TANC1: variants seen among roughly 807,000 people sequenced by gnomAD.
TANC1 encodes tetratricopeptide repeat, ankyrin repeat and coiled-coil containing 1.
In TANC1, 77 loss-of-function variants were observed where a neutral mutation model predicts 149.7. The ratio of observed to expected loss-of-function variants is 0.51; its 90% CI spans 0.43 to 0.62. The LOEUF (loss-of-function observed/expected upper bound fraction) is 0.62, where lower values mean the gene tolerates loss of function less well. TANC1 is among the 20% of genes least tolerant of loss of function. The pLI is 0.00. For missense variants in TANC1, 1,985 were observed against 2,321.8 expected (o/e 0.85, Z 2.98); for synonymous variants, 854 against 925.0 (o/e 0.92, Z 1.39).
chr2:159,185,707 G>A (rs776339545), intron 14 of TANC1, 84 bp from the exon 15 acceptor site: 17 of 866,558 alleles, frequency 2.0e-5, no homozygotes, highest in Non-Finnish European at 3.2e-5. Flanking sequence ...CAGTGACTAA[G>A]GCAATGGGTG....
At chr2:159,043,416 T>C (rs1000813859) in intron 2 of TANC1, among the ~76,000 whole-genome samples, 15 of 152,116 alleles carry the variant, frequency 9.9e-5, no homozygotes, top group African/African-American at 3.4e-4. Flanking sequence ...TCATAGGGAA[T>C]CCATGCTTTG....
chr2:159,118,970 T>C (rs1439643126), intron 4 of TANC1, among the ~76,000 whole-genome samples: 1 of 152,230 alleles, frequency 6.6e-6, no homozygotes, highest in Non-Finnish European at 1.5e-5. Flanking sequence ...GTAAAAAATC[T>C]CTGTAGTTAC....
chr2:159,189,309 C>G (rs892649396), intron 16 of TANC1, among the ~76,000 whole-genome samples: 4 of 152,196 alleles, frequency 2.6e-5, no homozygotes, highest in African/African-American at 9.7e-5. Flanking sequence ...GGTGACTTAC[C>G]TCTGCCCTCA....
chr2:159,115,171 G>GGTGTGTGT (rs68140748), intron 4 of TANC1, among the ~76,000 whole-genome samples: 2 of 149,602 alleles, frequency 1.3e-5, no homozygotes, highest in Admixed American at 6.6e-5. Context: ...AGCTGGTAAG[G>GGTGTGTGT]GTGTGTGTGT....
chr2:159,129,516 C>G (rs951504666), intron 4 of TANC1, among the ~76,000 whole-genome samples: 1 of 151,952 alleles, frequency 6.6e-6, no homozygotes, highest in East Asian at 1.9e-4. Flanking sequence ...CAGACTGACA[C>G]AGGCCCTGCT....
intron 2 of TANC1, among the ~76,000 whole-genome samples, chr2:159,047,006 T>G (rs913285895): frequency 6.6e-6 from 1 of 152,168 alleles, no homozygotes; most frequent in Non-Finnish European, 1.5e-5. Context: ...GGTGGTTTTC[T>G]TTTAGTCTGC....
intron 2 of TANC1, among the ~76,000 whole-genome samples, chr2:159,052,318 A>G (rs1372704531): frequency 1.3e-5 from 2 of 152,204 alleles, no homozygotes; most frequent in Admixed American, 1.3e-4. Flanking sequence ...GGTGATGGAC[A>G]TTCTTGATAA....
chr2:159,151,933 G>C (rs186203024), intron 7 of TANC1, among the ~76,000 whole-genome samples: 1 of 152,272 alleles, frequency 6.6e-6, no homozygotes, highest in East Asian at 1.9e-4. Flanking sequence ...ACCACTATCT[G>C]ATTTTAGAAC....
rs763359172 is a variant in TANC1, at chr2:159,230,621, G to A, written c.5195G>A (p.Arg1732Lys). 6.2e-7 allele frequency: 1 copy of A among 1,614,196 alleles called. No individual in the cohort carries two copies. The highest frequency in any genetic ancestry group is 8.5e-7 in the Non-Finnish European group (1 of 1,180,038). The change falls in exon 27 of 27, where the codon AGG (arginine) becomes AAG (lysine). Residue 1732 changes from arginine to lysine, a missense_variant. Around this residue, in one of 3 missense-constraint regions of TANC1, gnomAD observed 920 missense variants for 994.7 expected, o/e 0.92. Coordinates refer to ENST00000263635, the MANE Select transcript of TANC1 (RefSeq NM_033394.3). This position sits in a 1 kb window ranked among gnomAD's most constrained non-coding sequence, Gnocchi z 4.4. ...ATGGGCATCATGGATAAGACTGCGA[G>A]GTTCCAACAGCAGAGCAATCCTCCA... ...PFMGIMDKTA[R>K]FQQQSNPPSR... is the part of the protein sequence containing the mutation.
At chr2:159,052,011 G>GC (rs2041512534) in intron 2 of TANC1, among the ~76,000 whole-genome samples, 1 of 152,112 alleles carries the variant, frequency 6.6e-6, no homozygotes, top group Non-Finnish European at 1.5e-5. Flanking sequence ...GCATACAGCT[G>GC]GGGAATGGCC....
At chr2:159,171,120 G>T (rs544056280) in intron 10 of TANC1, among the ~76,000 whole-genome samples, 1 of 152,336 alleles carries the variant, frequency 6.6e-6, no homozygotes, top group South Asian at 2.1e-4. Context: ...AGAGCAAGGG[G>T]TTGGGCTCCT....
At chr2:159,189,226 C>A (rs933413747) in intron 16 of TANC1, among the ~76,000 whole-genome samples, 3 of 152,228 alleles carry the variant, frequency 2.0e-5, no homozygotes, top group Admixed American at 6.5e-5. Flanking sequence ...GCTGTAGGCA[C>A]CTGGGAAGTT....
chr2:159,016,788 A>G (rs1352828462), intron 2 of TANC1, among the ~76,000 whole-genome samples: 1 of 151,854 alleles, frequency 6.6e-6, no homozygotes, highest in Non-Finnish European at 1.5e-5. Context: ...GTTAGCCAGG[A>G]TGGTCTCGAT....
At chr2:159,007,925 C>G (rs2037380360) in intron 2 of TANC1, among the ~76,000 whole-genome samples, 1 of 152,170 alleles carries the variant, frequency 6.6e-6, no homozygotes, top group African/African-American at 2.4e-5. Context: ...GGCGCTCACC[C>G]TTATTGTGGA....
At chr2:159,151,888 G>C (rs973590638) in intron 7 of TANC1, among the ~76,000 whole-genome samples, 1 of 152,068 alleles carries the variant, frequency 6.6e-6, no homozygotes, top group Non-Finnish European at 1.5e-5. Flanking sequence ...ACCATTTGAC[G>C]GTTTTTAGTA....
chr2:159,014,992 T>C (rs1021463681), intron 2 of TANC1, among the ~76,000 whole-genome samples: 2 of 152,182 alleles, frequency 1.3e-5, no homozygotes, highest in Admixed American at 1.3e-4. Context: ...GATCTACAAT[T>C]CTGGGGTCTG....
chr2:159,221,598 G>C (rs571540695), intron 22 of TANC1, among the ~76,000 whole-genome samples: 35 of 152,022 alleles, frequency 2.3e-4, no homozygotes, highest in Admixed American at 6.6e-5. Flanking sequence ...CTGTCTTTCC[G>C]TGCCTGGCTT....
intron 19 of TANC1, among the ~76,000 whole-genome samples, chr2:159,213,100 A>G (rs1027964308): frequency 6.6e-6 from 1 of 152,108 alleles, no homozygotes; most frequent in Non-Finnish European, 1.5e-5. Context: ...AGAAAGGAAG[A>G]CACCCATGAA....
At chr2:158,969,715 A>T (rs1030437582) in intron 1 of TANC1, among the ~76,000 whole-genome samples, 3 of 152,212 alleles carry the variant, frequency 2.0e-5, no homozygotes, top group Non-Finnish European at 4.4e-5. Context: ...TGTTCTCAAA[A>T]CTTACTGGAC....
Sources: gnomAD v4.1 joint callset for allele counts (sites outside exome capture counted in the v4.1 genomes callset) on GRCh38, gnomAD v4.1.1 for gene constraint, gnomAD v4.1.1 regional missense constraint, Gnocchi (gnomAD v3.1) non-coding constraint, MANE v1.5 for transcripts, NCBI Gene and HGNC (gene_info 2026-07-23, HGNC 2026-07-21) for gene names.